ACOX3: variants seen among roughly 807,000 people sequenced by gnomAD.
The protein encoded by ACOX3 is peroxisomal acyl-coenzyme A oxidase 3.
Under a neutral mutation model 81.5 loss-of-function variants are expected in ACOX3, and 73 were observed. That is an observed-to-expected ratio of 0.90 (90% CI 0.74 to 1.09). ACOX3 has a LOEUF of 1.09. Ranked by LOEUF, ACOX3 falls within the 50% of genes least tolerant of loss-of-function variation. The pLI is 0.00. For missense variants in ACOX3, 947 were observed against 928.0 expected, an observed-to-expected ratio of 1.02 and a Z score of -0.27; for synonymous variants, 387 against 375.1, an observed-to-expected ratio of 1.03 and a Z score of -0.37.
rs1175256427 is a variant in ACOX3 at position 8,400,908 on chromosome 4, C to T, written c.777-1256G>A. On this transcript the variant is annotated intron_variant, in intron 7 of 17. Coordinates refer to ENST00000356406, the MANE Select transcript of ACOX3 (RefSeq NM_003501.3). The surrounding 1 kb of genome is among the most constrained non-coding windows in gnomAD (Gnocchi z 4.4). ...TTTCTATTATTATTACATGGTAACA[C>T]ATAATGAAATGATTATACAATTAGC... 2.6e-5 allele frequency among the ~76,000 whole-genome samples: 4 copies of T among 151,834 alleles called. No homozygotes were observed. The highest frequency in any genetic ancestry group is 4.9e-5 in the African/African-American group (2 of 41,234).
At position 8,389,584 on chromosome 4, in the gene ACOX3, C is replaced by A; in HGVS notation, c.1423+28G>T. ...CCCCTGCCCCAGTTGGGTTCCAGCG[C>A]CCCCACCAGTGTGCAGCAGAGCCTC... On this transcript the variant is annotated intron_variant, in intron 12 of 17. Coordinates refer to ENST00000356406, the MANE Select transcript of ACOX3 (RefSeq NM_003501.3). The surrounding 1 kb of genome is among the most constrained non-coding windows in gnomAD (Gnocchi z 5.3). The A allele has an allele frequency of 6.2e-7, 1 of 1,612,890 alleles. No homozygotes were observed. The highest frequency in any genetic ancestry group is 8.5e-7 in the Non-Finnish European group (1 of 1,179,850).
intron 14 of ACOX3, 127 bp from the exon 15 acceptor site, chr4:8,375,279 T>G (rs1716799066): frequency 1.1e-6 from 1 of 931,818 alleles, no homozygotes; most frequent in African/African-American, 1.7e-5. Context: ...GACAGTAACA[T>G]AAGGTGAGGC....
chr4:8,395,139 G>A (rs1211272157), intron 9 of ACOX3, among the ~76,000 whole-genome samples: 2 of 151,914 alleles, frequency 1.3e-5, no homozygotes, highest in Non-Finnish European at 2.9e-5. Context: ...GTCACCCTGG[G>A]ACAGATGGGA....
chr4:8,435,913 C>T (rs931683749), intron 1 of ACOX3, among the ~76,000 whole-genome samples: 2 of 152,086 alleles, frequency 1.3e-5, no homozygotes, highest in African/African-American at 4.8e-5. Context: ...TAACATGCCC[C>T]AGGTCTCACC....
intron 1 of ACOX3, among the ~76,000 whole-genome samples, chr4:8,434,723 C>T (rs147124154): frequency 1.5e-3 from 222 of 152,312 alleles, no homozygotes; most frequent in Non-Finnish European, 2.2e-3. Flanking sequence ...GTGCCTGTAC[C>T]GGCACTTTGG....
In ACOX3 at chr4:8,382,573, C is replaced by G. The variant is rs998011840; in HGVS notation, c.1538-966G>C. 6.6e-6 allele frequency among the ~76,000 whole-genome samples: 1 copy of G among 152,220 alleles called. No individual in the cohort carries two copies. Among genetic ancestry groups the G allele is most frequent in the Non-Finnish European group, 1.5e-5 (1 of 68,038 alleles). On this transcript the variant is annotated intron_variant, in intron 13 of 17. Coordinates refer to ENST00000356406, the MANE Select transcript of ACOX3 (RefSeq NM_003501.3). This position sits in a 1 kb window ranked among gnomAD's most constrained non-coding sequence, Gnocchi z 4.1. ...CTGCAGGGGCCTTCTGCCTGGCAGC[C>G]GGTCTTGCTCAGAGATCCCAGGCAG...
At chr4:8,379,645 C>A (rs1004959990) in intron 14 of ACOX3, among the ~76,000 whole-genome samples, 10 of 152,124 alleles carry the variant, frequency 6.6e-5, no homozygotes, top group Admixed American at 6.6e-4. Context: ...CAGCATAGAT[C>A]GGGGCTGGAA....
rs1217842944 is a variant in ACOX3, at chr4:8,405,072, G to A, written c.776+883C>T. Among the ~76,000 whole-genome samples the A allele has an allele frequency of 6.6e-6, 1 of 152,170 alleles. No individual in the cohort carries two copies. The highest frequency in any genetic ancestry group is 1.5e-5 in the Non-Finnish European group (1 of 68,036). Reference sequence around the variant, plus strand: ...GACCTCTCTTGTCACCTACTTTACAGATGAGGAAATGCCAAGAAAGCTGGT... The same window carrying A: ...GACCTCTCTTGTCACCTACTTTACAAATGAGGAAATGCCAAGAAAGCTGGT... On this transcript the variant is annotated intron_variant, in intron 7 of 17. Transcript: ENST00000356406. This position sits in a 1 kb window ranked among gnomAD's most constrained non-coding sequence, Gnocchi z 7.1.
intron 14 of ACOX3, among the ~76,000 whole-genome samples, chr4:8,377,447 C>T (rs1349844527): frequency 6.7e-6 from 1 of 149,060 alleles, no homozygotes; most frequent in Non-Finnish European, 1.5e-5. Context: ...AGTTTTGAAA[C>T]ACAGCGTCAC....
chr4:8,417,367 C>T (rs1056943882), intron 1 of ACOX3, among the ~76,000 whole-genome samples: 6 of 152,226 alleles, frequency 3.9e-5, no homozygotes, highest in African/African-American at 1.4e-4. Context: ...TGCTGACTCC[C>T]CTCTGTGCAG....
At chr4:8,373,451 G>A in intron 16 of ACOX3, 110 bp downstream of exon 16, 1 of 1,168,536 alleles carries the variant, frequency 8.6e-7, no homozygotes, top group Non-Finnish European at 1.2e-6. Context: ...TGTCAGTCTG[G>A]GTGATACTAA....
chr4:8,371,007 A>G lies in ACOX3; in HGVS notation c.1897-13T>C. 6.2e-7 allele frequency: 1 copy of G among 1,613,520 alleles called. No homozygotes were observed. The highest frequency in any genetic ancestry group is 8.5e-7 in the Non-Finnish European group (1 of 1,179,588). ...CATCGTCTTTCAGCTGTTGGAAAAC[A>G]AAGCCCAGACACTTGGCACCTCCCG... On this transcript the variant is annotated splice_polypyrimidine_tract_variant and intron_variant, in intron 16 of 17. Coordinates refer to ENST00000356406, the MANE Select transcript of ACOX3 (RefSeq NM_003501.3).
chr4:8,415,639 TA>T, intron 3 of ACOX3, 126 bp downstream of exon 3: 2 of 761,506 alleles, frequency 2.6e-6, no homozygotes, highest in Non-Finnish European at 4.1e-6. Context: ...AGATAATTTT[TA>T]AAATTTGCAA....
In ACOX3 at chr4:8,372,638, C is replaced by T. The variant is rs552125478; in HGVS notation, c.1896+923G>A. 3.3e-5 allele frequency among the ~76,000 whole-genome samples: 5 copies of T among 152,322 alleles called. 1 individual carries two copies. Among genetic ancestry groups the T allele is most frequent in the African/African-American group, 1.2e-4 (5 of 41,582 alleles). ...AATCAGACACGCCCCTCTCTGGAACCGCAGGCTCAGGGAAGGGCTTTATAC... is the reference window on the plus strand; with the variant it reads ...AATCAGACACGCCCCTCTCTGGAACTGCAGGCTCAGGGAAGGGCTTTATAC... On this transcript the variant is annotated intron_variant, in intron 16 of 17. Coordinates refer to ENST00000356406, the MANE Select transcript of ACOX3 (RefSeq NM_003501.3).
chr4:8,375,929 C>T (rs12511007), intron 14 of ACOX3, among the ~76,000 whole-genome samples: 32,080 of 152,106 alleles, frequency 0.21, 3,370 homozygotes, highest in Middle Eastern at 0.27. Flanking sequence ...TGGGCACCTG[C>T]GTTGATTTCA....
rs1388596388 is a variant in ACOX3, at chr4:8,432,083, C to G, written c.-15+8565G>C. 6.6e-6 allele frequency among the ~76,000 whole-genome samples: 1 copy of G among 152,190 alleles called. No homozygotes were observed. Among genetic ancestry groups the G allele is most frequent in the Non-Finnish European group, 1.5e-5 (1 of 68,042 alleles). Reference sequence around the variant, plus strand: ...GCTCAGCCACAGTCGTCACCACCACCCAGCAGCCACCTCACTTCCCCTAGT... The same window carrying G: ...GCTCAGCCACAGTCGTCACCACCACGCAGCAGCCACCTCACTTCCCCTAGT... On this transcript the variant is annotated intron_variant, in intron 1 of 17. Transcript: ENST00000356406. This position sits in a 1 kb window ranked among gnomAD's most constrained non-coding sequence, Gnocchi z 6.2.
In ACOX3 at chr4:8,423,410, G is replaced by A. The variant is rs1029163663; in HGVS notation, c.-14-6875C>T. ...CAATATGGATGAGGGAAGAATGCCC[G>A]TCCCGTTCAAGTTAAACTAAAGGAT... On this transcript the variant is annotated intron_variant, in intron 1 of 17. Coordinates refer to ENST00000356406, the MANE Select transcript of ACOX3 (RefSeq NM_003501.3). This position sits in a 1 kb window ranked among gnomAD's most constrained non-coding sequence, Gnocchi z 4.2. Among the ~76,000 whole-genome samples, 3 of 152,080 alleles carry A rather than the reference G, an allele frequency of 2.0e-5. No individual in the cohort carries two copies. The highest frequency in any genetic ancestry group is 2.9e-5 in the Non-Finnish European group (2 of 68,016).
chr4:8,375,179 A>C (rs772452536), intron 14 of ACOX3, 27 bp from the exon 15 acceptor site: 1 of 1,510,336 alleles, frequency 6.6e-7, no homozygotes. Flanking sequence ...CACCGTGAGG[A>C]CCGTGAGGGT....
intron 1 of ACOX3, among the ~76,000 whole-genome samples, chr4:8,427,406 C>T (rs751963545): frequency 3.9e-5 from 6 of 152,250 alleles, no homozygotes; most frequent in Non-Finnish European, 8.8e-5. Context: ...TTGCCATCCA[C>T]CACTGCTGAT....
Sources: gnomAD v4.1 joint callset for allele counts (sites outside exome capture counted in the v4.1 genomes callset) on GRCh38, gnomAD v4.1.1 for gene constraint, Gnocchi (gnomAD v3.1) non-coding constraint, MANE v1.5 for transcripts, NCBI Gene and HGNC (gene_info 2026-07-23, HGNC 2026-07-21) for gene names.